Variants in EML5 observed in about 807,000 individuals in gnomAD.
EML5 encodes the protein echinoderm microtubule-associated protein-like 5.
A neutral mutation model predicts 250.0 loss-of-function variants in EML5; 120 were observed. The ratio of observed to expected loss-of-function variants is 0.48; its 90% CI spans 0.41 to 0.56. The LOEUF (loss-of-function observed/expected upper bound fraction) is 0.56, where lower values mean the gene tolerates loss of function less well. Ranked by LOEUF, EML5 falls within the 20% of genes least tolerant of loss-of-function variation. EML5 has a pLI of 0.00. For missense variants in EML5, 2,006 were observed against 2,437.6 expected (o/e 0.82, Z 3.73); for synonymous variants, 771 against 806.5 (o/e 0.96, Z 0.75).
At chr14:88,621,439 G>C in intron 37 of EML5, 138 bp from the exon 38 acceptor site, 2 of 920,496 alleles carry the variant, frequency 2.2e-6, no homozygotes, top group Non-Finnish European at 3.3e-6. Flanking sequence ...GCAGTCATTA[G>C]CTCATGCAAA....
chr14:88,622,455 A>C, intron 37 of EML5, 149 bp downstream of exon 37: 4 of 569,926 alleles, frequency 7.0e-6, no homozygotes, highest in Non-Finnish European at 1.1e-5. Context: ...TTTGGCAAAG[A>C]AAGCAGCAAA....
intron 9 of EML5, among the ~76,000 whole-genome samples, chr14:88,712,692 C>A (rs1269954098): frequency 6.6e-6 from 1 of 152,160 alleles, no homozygotes; most frequent in East Asian, 1.9e-4. Context: ...AGAAATTATA[C>A]TGATTCAGAG....
intron 36 of EML5, chr14:88,624,593 T>G (rs1048402772): frequency 2.3e-5 from 4 of 174,964 alleles, no homozygotes; most frequent in African/African-American, 9.6e-5. Flanking sequence ...TGCATTCTAC[T>G]CCTTAGAATC....
At chr14:88,632,511 C>A (rs905659204) in intron 33 of EML5, among the ~76,000 whole-genome samples, 2 of 152,206 alleles carry the variant, frequency 1.3e-5, no homozygotes, top group Non-Finnish European at 2.9e-5. Flanking sequence ...TCTCTACATT[C>A]ATCTCAGAGG....
chr14:88,620,503 C>T lies in EML5; in HGVS notation c.5375+251G>A. On this transcript the variant is annotated intron_variant, in intron 39 of 43. Coordinates refer to ENST00000554922, the MANE Select transcript of EML5 (RefSeq NM_183387.3). The surrounding 1 kb of genome is among the most constrained non-coding windows in gnomAD (Gnocchi z 4.3). ...GGTGGGATGAACTTAATGGACATGG[C>T]TAAGTGTTAACATGAATTCATCAAA... 1 of 328,618 alleles carries T rather than the reference C, an allele frequency of 3.0e-6. No homozygotes were observed. The highest frequency in any genetic ancestry group is 5.5e-6 in the Non-Finnish European group (1 of 183,290). 20.4% of individuals were successfully genotyped at this position (328,618 alleles called of 1,614,324 possible).
chr14:88,792,406 G>C lies in EML5; in HGVS notation c.98C>G (p.Ala33Gly). ...QCRNNLYYTA[A>G]KEIVYFVAGV... ...CGCCACGAAGTATACGATCTCCTTG[G>C]CCGCAGTGTAGTAGAGGTTGTTGCG... The change falls in exon 1 of 44, where the codon GCC becomes GGC. Residue 33 changes from alanine (A) to glycine (G), a missense_variant. This residue lies in a region of EML5 where 162 missense variants were observed against 212.2 expected (regional missense o/e 0.76). Coordinates refer to ENST00000554922, the MANE Select transcript of EML5 (RefSeq NM_183387.3). This position sits in a 1 kb window ranked among gnomAD's most constrained non-coding sequence, Gnocchi z 6.9. 6.4e-7 allele frequency: 1 copy of C among 1,564,790 alleles called. No homozygotes were observed. Among genetic ancestry groups the C allele is most frequent in the Non-Finnish European group, 8.6e-7 (1 of 1,156,766 alleles).
chr14:88,652,355 C>G (rs1000690700), intron 27 of EML5, among the ~76,000 whole-genome samples: 4 of 152,122 alleles, frequency 2.6e-5, no homozygotes, highest in East Asian at 1.9e-4. Context: ...TCCCTGGCAA[C>G]GCGGGGGTCA....
chr14:88,632,132 T>C (rs932669722), intron 33 of EML5, among the ~76,000 whole-genome samples: 1 of 152,328 alleles, frequency 6.6e-6, no homozygotes, highest in East Asian at 1.9e-4. Context: ...TTTGGCTCAC[T>C]GTTCAAGCAA....
chr14:88,776,087 C>T (rs2094445057), intron 1 of EML5, among the ~76,000 whole-genome samples: 1 of 152,206 alleles, frequency 6.6e-6, no homozygotes, highest in African/African-American at 2.4e-5. Flanking sequence ...AAAGCAGATA[C>T]AGCTTAGATC....
chr14:88,620,846 T>G lies in EML5; in HGVS notation c.5283A>C (p.Gly1761=). The part of the protein sequence containing the change: ...YSPEGDMVAI[G]MKNGEFIILL... ...AAATGATAAATTCTCCATTTTTCAT[T>G]CCAATAGCCACCATGTCCCCTTCAG... Residue 1761 remains glycine, a synonymous_variant, in exon 39 of 44, where the codon GGA becomes GGC. Coordinates refer to ENST00000554922, the MANE Select transcript of EML5 (RefSeq NM_183387.3). The surrounding 1 kb of genome is among the most constrained non-coding windows in gnomAD (Gnocchi z 4.3). 1 of 1,594,766 alleles carries G rather than the reference T, an allele frequency of 6.3e-7. No individual in the cohort carries two copies. The highest frequency in any genetic ancestry group is 2.3e-5 in the East Asian group (1 of 44,356).
At chr14:88,724,833 T>G (rs1287570108) in intron 8 of EML5, among the ~76,000 whole-genome samples, 2 of 152,072 alleles carry the variant, frequency 1.3e-5, no homozygotes, top group East Asian at 1.9e-4. Flanking sequence ...AAACAACCAA[T>G]GAGAAAAAGA....
chr14:88,691,005 C>T (rs1291240091), intron 17 of EML5, among the ~76,000 whole-genome samples: 1 of 152,176 alleles, frequency 6.6e-6, no homozygotes, highest in African/African-American at 2.4e-5. Flanking sequence ...CCAGGGTCTG[C>T]CTCCCTGGTT....
rs2093235573 is a variant in EML5 at position 88,702,539 on chromosome 14, T to C, written c.2145A>G (p.Arg715=). The change falls in exon 14 of 44, where the codon CGA becomes CGG. Residue 715 remains arginine, a synonymous_variant. Coordinates refer to ENST00000554922, the MANE Select transcript of EML5 (RefSeq NM_183387.3). ...GATAAAAACGCTGTGTGTTTTGCTGTCGATTATAAATGACACCCACTGCTG... is the reference window on the plus strand; with the variant it reads ...GATAAAAACGCTGTGTGTTTTGCTGCCGATTATAAATGACACCCACTGCTG... The part of the protein sequence containing the change: ...HVAAVGVIYN[R]QQNTQRFYLG... 6.2e-7 allele frequency: 1 copy of C among 1,613,460 alleles called. No individual in the cohort carries two copies. Among genetic ancestry groups the C allele is most frequent in the East Asian group, 2.2e-5 (1 of 44,848 alleles).
intron 1 of EML5, among the ~76,000 whole-genome samples, chr14:88,774,672 C>G (rs956373511): frequency 6.6e-6 from 1 of 152,138 alleles, no homozygotes; most frequent in African/African-American, 2.4e-5. Context: ...GTTTCTCTGG[C>G]CACATTTTTG....
intron 33 of EML5, among the ~76,000 whole-genome samples, chr14:88,632,511 C>G (rs905659204): frequency 6.6e-6 from 1 of 152,206 alleles, no homozygotes; most frequent in Non-Finnish European, 1.5e-5. Context: ...TCTCTACATT[C>G]ATCTCAGAGG....
intron 21 of EML5, among the ~76,000 whole-genome samples, chr14:88,670,057 T>C (rs1418104589): frequency 6.6e-6 from 1 of 151,856 alleles, no homozygotes; most frequent in African/African-American, 2.4e-5. Context: ...GGCTCATGCC[T>C]GTAATCCCAG....
chr14:88,739,508 C>T (rs866795740), intron 5 of EML5, among the ~76,000 whole-genome samples: 5 of 151,838 alleles, frequency 3.3e-5, no homozygotes, highest in South Asian at 4.2e-4. Context: ...AATTCCTATA[C>T]CACATGTAAA....
rs1181882547 is a variant in EML5, at chr14:88,695,368, T to C, written c.2431A>G (p.Ile811Val). Residue 811 changes from isoleucine to valine, a missense_variant, in exon 16 of 44, where the codon ATA becomes GTA. This residue lies in a region of EML5 where 1,375 missense variants were observed against 1,590.3 expected (regional missense o/e 0.86). Transcript: ENST00000554922. ...ATCAAGTTTTTTTCCTACCTTGCTATTGAAAGTTTCTCTCCTTTCTTCCAG... is the reference window on the plus strand; with the variant it reads ...ATCAAGTTTTTTTCCTACCTTGCTACTGAAAGTTTCTCTCCTTTCTTCCAG... ...WDWKKGEKLS[I>V]ARGSKDKIFV... is the part of the protein sequence containing the mutation. 1.2e-6 allele frequency: 2 copies of C among 1,609,164 alleles called. No homozygotes were observed. The highest frequency in any genetic ancestry group is 1.3e-5 in the African/African-American group (1 of 74,832).
chr14:88,721,004 T>G (rs944784395), intron 8 of EML5, among the ~76,000 whole-genome samples: 3 of 152,048 alleles, frequency 2.0e-5, no homozygotes, highest in Admixed American at 6.6e-5. Context: ...AGAGCTAAAT[T>G]ATGAATGAAC....
Sources: allele counts gnomAD v4.1 joint callset (sites outside exome capture counted in the v4.1 genomes callset), GRCh38; gene constraint gnomAD v4.1.1; regional missense constraint gnomAD v4.1.1; non-coding constraint Gnocchi (gnomAD v3.1); transcripts MANE v1.5; gene names NCBI Gene and HGNC (gene_info 2026-07-23, HGNC 2026-07-21).